Variants in RTKN2 observed in about 807,000 individuals in gnomAD.
The protein encoded by RTKN2 is rhotekin-2.
Under a neutral mutation model 71.5 loss-of-function variants are expected in RTKN2, and 69 were observed. That is an observed-to-expected ratio of 0.96 (90% CI 0.79 to 1.18). RTKN2 has a LOEUF of 1.18. RTKN2 is among the 50% of genes most tolerant of loss of function. The pLI is 0.00. For synonymous variants in RTKN2, 236 were observed against 236.5 expected, an observed-to-expected ratio of 1.00 and a Z score of 0.02; for missense variants, 724 against 719.7, an observed-to-expected ratio of 1.01 and a Z score of -0.07.
chr10:62,251,425 G>A (rs892158367), intron 2 of RTKN2, among the ~76,000 whole-genome samples: 1 of 152,156 alleles, frequency 6.6e-6, no homozygotes. Context: ...AATCCAGGAA[G>A]GATGATGGAA....
intron 2 of RTKN2, among the ~76,000 whole-genome samples, chr10:62,256,392 T>C (rs779868088): frequency 1.3e-5 from 2 of 152,152 alleles, no homozygotes; most frequent in Non-Finnish European, 2.9e-5. Context: ...AAACTGGAGT[T>C]ATAACCAAAT....
At chr10:62,205,569 C>T (rs932805289) in intron 9 of RTKN2, among the ~76,000 whole-genome samples, 2 of 152,130 alleles carry the variant, frequency 1.3e-5, no homozygotes, top group Non-Finnish European at 2.9e-5. Context: ...TTATTTTGTA[C>T]GTAACGTTCA....
In RTKN2 at chr10:62,198,201, G is replaced by A; in HGVS notation, c.1537C>T (p.Pro513Ser). ...TTACTCTGTGATTTTAAGCTGAATG[G>A]AAGTTTATCAGAAGGAGGAAGGGGA... ...QAPLPPSDKL[P>S]FSLKSQSNTD... is the part of the protein sequence containing the mutation. Residue 513 changes from proline (P) to serine (S), a missense_variant, in exon 12 of 12, where the codon CCA becomes TCA. Coordinates refer to ENST00000373789, the MANE Select transcript of RTKN2 (RefSeq NM_145307.4). The A allele has an allele frequency of 6.2e-7, 1 of 1,614,048 alleles. No individual in the cohort carries two copies. The highest frequency in any genetic ancestry group is 1.3e-5 in the African/African-American group (1 of 75,022).
intron 2 of RTKN2, among the ~76,000 whole-genome samples, chr10:62,253,729 A>G (rs1432377142): frequency 6.6e-6 from 1 of 152,184 alleles, no homozygotes; most frequent in African/African-American, 2.4e-5. Context: ...ACAATAAAAA[A>G]TATAGAAAAA....
intron 7 of RTKN2, among the ~76,000 whole-genome samples, chr10:62,221,077 C>T (rs1841894403): frequency 6.8e-6 from 1 of 147,914 alleles, no homozygotes; most frequent in Admixed American, 6.8e-5. Flanking sequence ...GCATAAGATA[C>T]AAGTAGTGCA....
intron 3 of RTKN2, among the ~76,000 whole-genome samples, chr10:62,242,913 G>T (rs1325543569): frequency 6.6e-6 from 1 of 152,134 alleles, no homozygotes; most frequent in Non-Finnish European, 1.5e-5. Flanking sequence ...TTACAGGCAT[G>T]AGCCACTGTG....
chr10:62,229,987 T>C (rs541442619), intron 6 of RTKN2, among the ~76,000 whole-genome samples: 10 of 152,266 alleles, frequency 6.6e-5, no homozygotes, highest in South Asian at 4.2e-4. Context: ...GACTCTGTAA[T>C]AAATTCTGAA....
chr10:62,239,704 A>T lies in RTKN2; in HGVS notation c.432T>A (p.Asp144Glu). Residue 144 changes from aspartate to glutamate, a missense_variant, in exon 5 of 12, where the codon GAT becomes GAA. Physicochemically the swap from Asp to Glu is conservative, Grantham distance 45. Transcript: ENST00000373789. Reference protein sequence around the residue: ...FKMGANVFDTDVVNVDKTITD... With the variant: ...FKMGANVFDTEVVNVDKTITD... ...TGATTGTTTTATCCACATTCACCAC[A>T]TCAGTATCAAACACATTAGCTCCCA... 1 of 1,589,482 alleles carries T rather than the reference A, an allele frequency of 6.3e-7. No homozygotes were observed. The highest frequency in any genetic ancestry group is 1.1e-5 in the South Asian group (1 of 87,272).
At chr10:62,244,263 G>A (rs1842436100) in intron 3 of RTKN2, among the ~76,000 whole-genome samples, 1 of 152,052 alleles carries the variant, frequency 6.6e-6, no homozygotes, top group Non-Finnish European at 1.5e-5. Context: ...AGGCAAAGAT[G>A]AAAAGACATT....
Position 62,206,540 on chromosome 10 carries a change from G to C in RTKN2, c.1021-1518C>G, listed in dbSNP as rs536986172. Among the ~76,000 whole-genome samples the C allele has an allele frequency of 2.6e-5, 4 of 152,164 alleles. No individual in the cohort carries two copies. In the South Asian group the frequency reaches 8.3e-4, roughly 32 times the overall value. ...ACACCGCAGGGGAAAAATGTATGTT[G>C]TATAAAGCAGCAACATAACTTTGAA... On this transcript the variant is annotated intron_variant, in intron 9 of 11. Transcript: ENST00000373789.
intron 2 of RTKN2, among the ~76,000 whole-genome samples, chr10:62,257,258 T>G (rs189538244): frequency 3.3e-5 from 5 of 152,282 alleles, no homozygotes; most frequent in Non-Finnish European, 2.9e-5. Context: ...AATCAGACAT[T>G]GTCCCTGTTT....
chr10:62,217,637 C>T (rs1841803932), intron 8 of RTKN2, among the ~76,000 whole-genome samples: 1 of 152,036 alleles, frequency 6.6e-6, no homozygotes, highest in Non-Finnish European at 1.5e-5. Flanking sequence ...TATTATTTTC[C>T]CTTACTGTTC....
chr10:62,222,007 C>T (rs1012675181), intron 7 of RTKN2, among the ~76,000 whole-genome samples: 1 of 152,082 alleles, frequency 6.6e-6, no homozygotes, highest in Non-Finnish European at 1.5e-5. Context: ...CTGAAGAACC[C>T]TGTAACTATT....
chr10:62,204,979 ATTCTT>A lies in RTKN2; in HGVS notation c.1059_1063del (p.Lys353AsnfsTer3), dbSNP rs1395890972. The A allele has an allele frequency of 6.3e-7, 1 of 1,598,526 alleles. No homozygotes were observed. Among genetic ancestry groups the A allele is most frequent in the Non-Finnish European group, 8.5e-7 (1 of 1,175,408 alleles). On this transcript the variant is annotated frameshift_variant, in exon 10 of 12. Transcript: ENST00000373789. LOFTEE classifies it high-confidence loss of function. Reference sequence around the variant, plus strand: ...AGGATTGATGACAGAGAAATTATGGATTCTTTTCTTGGCATCCTTATCCATTGCCC... The same window carrying A: ...AGGATTGATGACAGAGAAATTATGGATTCTTGGCATCCTTATCCATTGCCC...
chr10:62,194,485 CTCT>C lies in RTKN2; in HGVS notation c.*3420_*3422del. ...AGTTTAATTACTATTCAATAATTCA[CTCT>C]TTAACAAGAAAATGAGTTTTGATAA... On this transcript the variant is annotated 3_prime_UTR_variant, in exon 12 of 12. Coordinates refer to ENST00000373789, the MANE Select transcript of RTKN2 (RefSeq NM_145307.4). The C allele has an allele frequency of 6.1e-6, 6 of 981,598 alleles. No individual in the cohort carries two copies. The highest frequency in any genetic ancestry group is 7.3e-6 in the Non-Finnish European group (6 of 826,442). The allele number at this position is 981,598 out of a possible 1,614,324, so 60.8% of individuals were successfully genotyped here. A position where few individuals can be genotyped will look rare whatever the true frequency, so the allele number is the denominator to read the frequency against.
chr10:62,260,326 G>C (rs902373641), intron 2 of RTKN2, among the ~76,000 whole-genome samples: 15 of 152,092 alleles, frequency 9.9e-5, no homozygotes, highest in African/African-American at 3.6e-4. Flanking sequence ...CTTTCTTCAA[G>C]GAACTAAATC....
intron 6 of RTKN2, among the ~76,000 whole-genome samples, chr10:62,232,981 A>C (rs4979780): frequency 0.55 from 83,118 of 152,008 alleles, 23,680 homozygotes; most frequent in East Asian, 0.89. Context: ...TTAAAAATTG[A>C]GTATTCATGG....
intron 10 of RTKN2, 131 bp from the exon 11 acceptor site, chr10:62,199,992 T>A: frequency 1.7e-6 from 1 of 574,912 alleles, no homozygotes; most frequent in Non-Finnish European, 3.1e-6. Flanking sequence ...AGCACTGCGT[T>A]AAGGGAGGCT....
intron 7 of RTKN2, among the ~76,000 whole-genome samples, chr10:62,220,072 A>G (rs1181667630): frequency 1.3e-5 from 2 of 152,154 alleles, no homozygotes; most frequent in Non-Finnish European, 2.9e-5. Flanking sequence ...TACTGGCCGT[A>G]ACTATTATTC....
Sources: gnomAD v4.1 joint callset for allele counts (sites outside exome capture counted in the v4.1 genomes callset) on GRCh38, gnomAD v4.1.1 for gene constraint, MANE v1.5 for transcripts, NCBI Gene and HGNC (gene_info 2026-07-23, HGNC 2026-07-21) for gene names.